Variants in LRP2 observed in about 807,000 individuals in gnomAD.
The protein encoded by LRP2 is low-density lipoprotein receptor-related protein 2.
A neutral mutation model predicts 531.0 loss-of-function variants in LRP2; 172 were observed. That is an observed-to-expected ratio of 0.32 (90% CI 0.29 to 0.37). The LOEUF (loss-of-function observed/expected upper bound fraction) is 0.37. Ranked by LOEUF, LRP2 falls within the 10% of genes least tolerant of loss-of-function variation. The pLI is 1.00. For synonymous variants in LRP2, 1,992 were observed against 2,027.6 expected (o/e 0.98, Z 0.47); for missense variants, 5,167 against 5,868.3 (o/e 0.88, Z 3.90).
At chr2:169,292,756 G>A (rs896157519) in intron 6 of LRP2, among the ~76,000 whole-genome samples, 2 of 150,150 alleles carry the variant, frequency 1.3e-5, no homozygotes, top group Non-Finnish European at 3.0e-5. Flanking sequence ...TGAGCCTGGT[G>A]GGGGTGTGTG....
chr2:169,295,038 T>C (rs893071772), intron 4 of LRP2, among the ~76,000 whole-genome samples: 2 of 152,200 alleles, frequency 1.3e-5, no homozygotes, highest in South Asian at 2.1e-4. Flanking sequence ...AGCCAAAAGA[T>C]GAAGAATGAG....
intron 22 of LRP2, among the ~76,000 whole-genome samples, chr2:169,244,033 C>T (rs536991031): frequency 6.6e-5 from 10 of 152,268 alleles, no homozygotes; most frequent in Admixed American, 2.6e-4. Flanking sequence ...GCTGGCCCCA[C>T]CCACAACATG....
At position 169,244,853 on chromosome 2, in the gene LRP2, G is replaced by A. The variant is rs373632128; in HGVS notation, c.3270C>T (p.Asn1090=). ...IPAHWRCDKR[N]DCVDGSDEHN... ...GCTCATCACTGCCATCCACACAGTCGTTGCGTTTGTCACAGCGCCAGTGTG... is the reference window on the plus strand; with the variant it reads ...GCTCATCACTGCCATCCACACAGTCATTGCGTTTGTCACAGCGCCAGTGTG... The change falls in exon 22 of 79, where the codon AAC becomes AAT. Residue 1090 remains asparagine, a synonymous_variant. Transcript: ENST00000649046. 14 of 1,614,102 alleles carry A rather than the reference G, an allele frequency of 8.7e-6. No homozygotes were observed. The South Asian group carries it at 9.9e-5, about 11-fold the overall frequency.
intron 9 of LRP2, among the ~76,000 whole-genome samples, chr2:169,285,817 G>C (rs1175901981): frequency 6.6e-6 from 1 of 152,184 alleles, no homozygotes; most frequent in Non-Finnish European, 1.5e-5. Flanking sequence ...AGAGGCAGAT[G>C]AATGGTAGAA....
intron 1 of LRP2, among the ~76,000 whole-genome samples, chr2:169,349,952 T>G (rs1346193545): frequency 1.3e-5 from 2 of 152,188 alleles, no homozygotes; most frequent in African/African-American, 4.8e-5. Flanking sequence ...GGTGCTGTGA[T>G]CTGACTGATG....
chr2:169,148,778 A>G (rs1686015009), intron 68 of LRP2, among the ~76,000 whole-genome samples: 1 of 152,172 alleles, frequency 6.6e-6, no homozygotes, highest in African/African-American at 2.4e-5. Flanking sequence ...CGTTTATGCT[A>G]TTGCCTGAGC....
intron 16 of LRP2, among the ~76,000 whole-genome samples, chr2:169,261,877 A>T (rs1415974002): frequency 6.6e-6 from 1 of 151,930 alleles, no homozygotes; most frequent in Non-Finnish European, 1.5e-5. Flanking sequence ...CCAGCAGCAC[A>T]TCAAAAAGCT....
chr2:169,357,328 T>C (rs1427490642), intron 1 of LRP2, among the ~76,000 whole-genome samples: 2 of 145,314 alleles, frequency 1.4e-5, no homozygotes, highest in Non-Finnish European at 3.0e-5. Flanking sequence ...TATTTTATTT[T>C]ATTTTATTTT....
At position 169,156,274 on chromosome 2, in the gene LRP2, C is replaced by T; in HGVS notation, c.12151G>A (p.Gly4051Ser). 1 of 1,613,486 alleles carries T rather than the reference C, an allele frequency of 6.2e-7. No homozygotes were observed. The highest frequency in any genetic ancestry group is 8.5e-7 in the Non-Finnish European group (1 of 1,179,576). ...TAATCCCAACATGAACCCATCATAC[C>T]CTCAGCTGCACATCGTTTTCCAGGG... ...DRPGKRCAAE[G>S]SSPLLLLPDN... The change falls in exon 65 of 79, where the codon GGT (glycine) becomes AGT (serine). Residue 4051 changes from glycine to serine, a missense_variant and splice_region_variant. Physicochemically the swap from Gly to Ser is moderately conservative, Grantham distance 56. Coordinates refer to ENST00000649046, the MANE Select transcript of LRP2 (RefSeq NM_004525.3).
chr2:169,187,688 T>C (rs1687680522), intron 49 of LRP2, among the ~76,000 whole-genome samples: 1 of 152,206 alleles, frequency 6.6e-6, no homozygotes, highest in Non-Finnish European at 1.5e-5. Flanking sequence ...GTTCCCTTCA[T>C]TCTTGAGTAC....
At position 169,173,153 on chromosome 2, in the gene LRP2, A is replaced by T; in HGVS notation, c.11086T>A (p.Trp3696Arg). Residue 3696 changes from tryptophan (W) to arginine (R), a missense_variant, in exon 57 of 79, where the codon TGG becomes AGG. By Grantham distance (101) the Trp-to-Arg change is moderately radical. Coordinates refer to ENST00000649046, the MANE Select transcript of LRP2 (RefSeq NM_004525.3). ...TCATCTACACCATTGCACACGGCCC[A>T]CTTTGGGATGCAGCGGTAATTTGTT... ...CKTNYRCIPK[W>R]AVCNGVDDCR... The T allele has an allele frequency of 6.2e-7, 1 of 1,614,124 alleles. No homozygotes were observed. Among genetic ancestry groups the T allele is most frequent in the East Asian group, 2.2e-5 (1 of 44,878 alleles).
chr2:169,279,937 T>C (rs915679980), intron 11 of LRP2, among the ~76,000 whole-genome samples: 1 of 152,212 alleles, frequency 6.6e-6, no homozygotes, highest in Non-Finnish European at 1.5e-5. Context: ...CGTCAATATT[T>C]GTTACTCGAT....
chr2:169,164,688 A>G (rs1466265033), intron 62 of LRP2, among the ~76,000 whole-genome samples: 2 of 152,160 alleles, frequency 1.3e-5, no homozygotes, highest in African/African-American at 2.4e-5. Flanking sequence ...ACTTTACATG[A>G]GCAAGAAATG....
intron 1 of LRP2, among the ~76,000 whole-genome samples, chr2:169,356,134 C>T (rs561322777): frequency 4.6e-5 from 7 of 152,254 alleles, no homozygotes; most frequent in East Asian, 1.9e-4. Context: ...TCAAGCAATC[C>T]GCTCACCTCA....
chr2:169,330,993 A>G (rs1574265484), intron 1 of LRP2, among the ~76,000 whole-genome samples: 1 of 152,186 alleles, frequency 6.6e-6, no homozygotes, highest in South Asian at 2.1e-4. Context: ...CAGCAACTTG[A>G]AATGAACTCC....
chr2:169,278,540 T>C (rs1275481660), intron 12 of LRP2, among the ~76,000 whole-genome samples: 1 of 152,146 alleles, frequency 6.6e-6, no homozygotes, highest in Non-Finnish European at 1.5e-5. Flanking sequence ...CCTTTATTTG[T>C]CCTTTGCTTC....
chr2:169,241,411 G>T, intron 24 of LRP2, 46 bp from the exon 25 acceptor site: 1 of 1,608,634 alleles, frequency 6.2e-7, no homozygotes, highest in African/African-American at 1.3e-5. Flanking sequence ...TGTAATTTGT[G>T]ATCCCTTTTA....
At chr2:169,172,194 T>A (rs1434278456) in intron 57 of LRP2, 60 bp from the exon 58 acceptor site, 8 of 1,600,290 alleles carry the variant, frequency 5.0e-6, no homozygotes, top group Admixed American at 1.7e-5. Flanking sequence ...CACAAAGTAG[T>A]ATTGGCTTCC....
intron 42 of LRP2, 138 bp downstream of exon 42, chr2:169,203,844 C>A: frequency 1.2e-6 from 1 of 844,492 alleles, no homozygotes; most frequent in Non-Finnish European, 1.9e-6. Flanking sequence ...CAAAATATAG[C>A]CCCAGGTCTG....
Sources: allele counts gnomAD v4.1 joint callset (sites outside exome capture counted in the v4.1 genomes callset), GRCh38; gene constraint gnomAD v4.1.1; transcripts MANE v1.5; gene names NCBI Gene and HGNC (gene_info 2026-07-23, HGNC 2026-07-21).